UGT1A5: variants seen among roughly 807,000 people sequenced by gnomAD.
The protein encoded by UGT1A5 is UDP-glucuronosyltransferase 1A5.
UGT1A5 carries 29 observed loss-of-function variants against 40.3 expected under a neutral mutation model. The observed-to-expected ratio is 0.72, with a 90% confidence interval of 0.54 to 0.98. The LOEUF is 0.98. UGT1A5 is among the 50% of genes least tolerant of loss of function. UGT1A5 has a pLI of 0.00. For missense variants in UGT1A5, 678 were observed against 677.9 expected, an observed-to-expected ratio of 1.00 and a Z score of 0.00; for synonymous variants, 257 against 262.5, an observed-to-expected ratio of 0.98 and a Z score of 0.20.
At chr2:233,772,175 T>G in intron 4 of UGT1A5, 87 bp from the exon 5 acceptor site, 1 of 1,580,518 alleles carries the variant, frequency 6.3e-7, no homozygotes, top group Non-Finnish European at 8.6e-7. Context: ...GAAAATCTGG[T>G]AGTCTTCTTA....
rs988153178 is a variant in UGT1A5, at chr2:233,772,888, GTGGTCCCACGGC to G, written c.*332_*343del. ...CTGTTTGGGAGTGCGGGATTCAAAG[GTGGTCCCACGGC>G]TGCCCCTACTGCAAATGGCAGTTTT... On this transcript the variant is annotated 3_prime_UTR_variant, in exon 5 of 5. Coordinates refer to ENST00000373414, the MANE Select transcript of UGT1A5 (RefSeq NM_019078.2). The G allele has an allele frequency of 1.9e-6, 1 of 534,950 alleles. No individual in the cohort carries two copies. The highest frequency in any genetic ancestry group is 1.9e-5 in the African/African-American group (1 of 51,616). 33.1% of individuals were successfully genotyped at this position (534,950 alleles called of 1,614,324 possible).
Position 233,724,752 on chromosome 2 carries a change from C to T in UGT1A5, c.867+10894C>T, listed in dbSNP as rs545669110. On this transcript the variant is annotated intron_variant, in intron 1 of 4. Coordinates refer to ENST00000373414, the MANE Select transcript of UGT1A5 (RefSeq NM_019078.2). The stretch of plus-strand genomic sequence containing the variant: ...GCAGAGGGGCTCCTCACATCCCAGA[C>T]GATGGGCGGCCAGGCAGAGACACTC... 4.9e-4 allele frequency among the ~76,000 whole-genome samples: 69 copies of T among 142,122 alleles called. 9 individuals carry two copies. In the East Asian group the frequency reaches 0.011, roughly 22 times the overall value. The allele number at this position is 142,122 out of a possible 152,430, so 93.2% of individuals were successfully genotyped here. A position where few individuals can be genotyped will look rare whatever the true frequency, so the allele number is the denominator to read the frequency against.
intron 1 of UGT1A5, among the ~76,000 whole-genome samples, chr2:233,727,747 T>C (rs1157113585): frequency 2.0e-5 from 3 of 152,214 alleles, no homozygotes; most frequent in African/African-American, 7.2e-5. Flanking sequence ...ATCCTGCGTG[T>C]GCTGCCCTTG....
At chr2:233,748,872 G>A (rs1337715059) in intron 1 of UGT1A5, among the ~76,000 whole-genome samples, 3 of 151,552 alleles carry the variant, frequency 2.0e-5, no homozygotes, top group Non-Finnish European at 4.4e-5. Context: ...GCTGGGGACG[G>A]TGATGAATGG....
At chr2:233,725,263 A>AGGC (rs1472327737) in intron 1 of UGT1A5, among the ~76,000 whole-genome samples, 4 of 34,258 alleles carry the variant, frequency 1.2e-4, no homozygotes, top group Non-Finnish European at 2.1e-4. Flanking sequence ...GCAGAGGCAG[A>AGGC]GGAGGCAGAG....
intron 1 of UGT1A5, chr2:233,743,668 G>C (rs898129248): frequency 5.1e-6 from 7 of 1,367,120 alleles, no homozygotes; most frequent in Non-Finnish European, 6.9e-6. Flanking sequence ...AGGGGTCCTC[G>C]AAGGGCCTGC....
chr2:233,725,249 GGAGGCAGAGGCAGAGGAGGCA>G (rs1559370474), intron 1 of UGT1A5, among the ~76,000 whole-genome samples: 14 of 48,542 alleles, frequency 2.9e-4, no homozygotes, highest in Middle Eastern at 0.01. Context: ...CAGAGGCAGA[GGAGGCAGAGGCAGAGGAGGCA>G]GAGGCAGAGG....
At chr2:233,760,991 C>G in intron 1 of UGT1A5, 1 of 1,614,190 alleles carries the variant, frequency 6.2e-7, no homozygotes. Context: ...ACCCTTGCCT[C>G]AGAATTCCTT....
intron 1 of UGT1A5, chr2:233,743,955 C>T (rs752795670): frequency 9.0e-6 from 12 of 1,339,906 alleles, no homozygotes; most frequent in African/African-American, 3.0e-5. Context: ...ACTGGCACAG[C>T]GAGCGGCAAG....
chr2:233,715,863 T>C (rs1183803231), intron 1 of UGT1A5, among the ~76,000 whole-genome samples: 2 of 152,198 alleles, frequency 1.3e-5, no homozygotes, highest in Non-Finnish European at 2.9e-5. Flanking sequence ...CTGGGTGCAG[T>C]AGCTTGTGCC....
intron 1 of UGT1A5, chr2:233,760,221 A>G (rs920580015): frequency 2.5e-5 from 40 of 1,592,616 alleles, no homozygotes; most frequent in Non-Finnish European, 3.3e-5. Context: ...TGGTGTATCG[A>G]TTGGTTTTTG....
chr2:233,754,484 A>G (rs1052764550), intron 1 of UGT1A5: 3 of 358,432 alleles, frequency 8.4e-6, no homozygotes, highest in African/African-American at 2.1e-5. Context: ...TTCACTTTCA[A>G]TCCTAAAAAA....
At chr2:233,748,007 C>T (rs1468299644) in intron 1 of UGT1A5, 2 of 1,613,408 alleles carry the variant, frequency 1.2e-6, no homozygotes, top group Admixed American at 1.7e-5. Context: ...TGATGGATTA[C>T]CCCAGGCCGA....
intron 3 of UGT1A5, 36 bp downstream of exon 3, chr2:233,767,972 G>C (rs1383669551): frequency 1.9e-6 from 3 of 1,613,998 alleles, no homozygotes; most frequent in Non-Finnish European, 2.5e-6. Context: ...GGTCAAACCA[G>C]GGTCAAATTA....
At position 233,718,759 on chromosome 2, in the gene UGT1A5, G is replaced by A; in HGVS notation, c.867+4901G>A. 4 of 1,612,576 alleles carry A rather than the reference G, an allele frequency of 2.5e-6. 1 individual carries two copies. In the Admixed American group the frequency reaches 5.0e-5, roughly 20 times the overall value. On this transcript the variant is annotated intron_variant, in intron 1 of 4. Transcript: ENST00000373414. ...TCAATGACAAGGTAATTAAGGCGAAGGAAACAAATGTAGCAGGCACAGCGT... is the reference window on the plus strand; with the variant it reads ...TCAATGACAAGGTAATTAAGGCGAAAGAAACAAATGTAGCAGGCACAGCGT...
chr2:233,749,957 G>T (rs1223169654), intron 1 of UGT1A5, among the ~76,000 whole-genome samples: 2 of 151,888 alleles, frequency 1.3e-5, no homozygotes, highest in African/African-American at 4.9e-5. Context: ...CGAGTCTTGG[G>T]TATGTCTTTA....
intron 1 of UGT1A5, chr2:233,756,139 A>G (rs548564023): frequency 6.6e-6 from 1 of 152,240 alleles, no homozygotes; most frequent in Non-Finnish European, 1.5e-5. Flanking sequence ...CTGAAAAATT[A>G]CTGGGGATCC....
chr2:233,772,622 C>G lies in UGT1A5; in HGVS notation c.*63C>G. ...CCCTAGTCATTTCCAAACTTGAAAA[C>G]AGAATCAGTGTTAAATTCATTTTAT... On this transcript the variant is annotated 3_prime_UTR_variant, in exon 5 of 5. Transcript: ENST00000373414. 2.6e-6 allele frequency: 4 copies of G among 1,567,434 alleles called. No individual in the cohort carries two copies. The highest frequency in any genetic ancestry group is 3.5e-6 in the Non-Finnish European group (4 of 1,155,382).
intron 1 of UGT1A5, chr2:233,719,196 A>T (rs1343607687): frequency 6.2e-7 from 1 of 1,614,214 alleles, no homozygotes; most frequent in Non-Finnish European, 8.5e-7. Flanking sequence ...GGCCCTTCAT[A>T]GGTGTTGTGT....
Sources: gnomAD v4.1 joint callset for allele counts (sites outside exome capture counted in the v4.1 genomes callset) on GRCh38, gnomAD v4.1.1 for gene constraint, MANE v1.5 for transcripts, NCBI Gene and HGNC (gene_info 2026-07-23, HGNC 2026-07-21) for gene names.